SAMTOR: variants seen among roughly 807,000 people sequenced by gnomAD.
The protein encoded by SAMTOR is S-adenosylmethionine sensor upstream of mTORC1, also known as UPF0532 protein C7orf60.
chr7:112,924,366 A>T, the SAMTOR span, among the ~76,000 whole-genome samples: 6 of 152,178 alleles, frequency 3.9e-5, no homozygotes, highest in Admixed American at 3.9e-4. Context: ...TAACTATTCA[A>T]ATTTGAAAAT....
chr7:112,822,580 T>A, the SAMTOR span, among the ~76,000 whole-genome samples: 5,809 of 152,178 alleles, frequency 0.038, 295 homozygotes, highest in African/African-American at 0.11. Flanking sequence ...GACCTGCTAA[T>A]CATCATTTAA....
the SAMTOR span, among the ~76,000 whole-genome samples, chr7:112,850,679 G>A: frequency 6.6e-6 from 1 of 152,140 alleles, no homozygotes. Context: ...AGGGTTTCTA[G>A]TCTGTGCATG....
chr7:112,906,605 T>C, the SAMTOR span, among the ~76,000 whole-genome samples: 1 of 150,150 alleles, frequency 6.7e-6, no homozygotes, highest in African/African-American at 2.5e-5. Context: ...AGTCTTGCTC[T>C]GTCACCAGGC....
At chr7:112,924,952 T>C in the SAMTOR span, among the ~76,000 whole-genome samples, 4 of 152,170 alleles carry the variant, frequency 2.6e-5, no homozygotes, top group South Asian at 2.1e-4. Flanking sequence ...AGGGTGAAGT[T>C]TGAGGCAGAT....
At chr7:112,879,271 C>A in the SAMTOR span, among the ~76,000 whole-genome samples, 1 of 150,558 alleles carries the variant, frequency 6.6e-6, no homozygotes, top group Admixed American at 6.7e-5. Context: ...TATGTGGAAA[C>A]AAAGCTATAA....
At chr7:112,915,324 C>T in the SAMTOR span, 3 of 1,611,402 alleles carry the variant, frequency 1.9e-6, no homozygotes, top group African/African-American at 1.3e-5. Flanking sequence ...CCATTCAATA[C>T]GACCTTCGCC....
chr7:112,858,550 CTTAT>C, the SAMTOR span, among the ~76,000 whole-genome samples: 3,422 of 151,908 alleles, frequency 0.023, 66 homozygotes, highest in Admixed American at 0.042. Context: ...TTAAATACTT[CTTAT>C]TTATTTGTTA....
the SAMTOR span, among the ~76,000 whole-genome samples, chr7:112,876,105 C>T: frequency 4.6e-5 from 7 of 152,200 alleles, no homozygotes; most frequent in South Asian, 1.5e-3. Context: ...GGACTACAGG[C>T]ACATGCCACC....
At chr7:112,860,291 C>T in the SAMTOR span, among the ~76,000 whole-genome samples, 1 of 152,094 alleles carries the variant, frequency 6.6e-6, no homozygotes, top group Non-Finnish European at 1.5e-5. Context: ...CAGAATGCAT[C>T]CCTGTTGTTA....
the SAMTOR span, among the ~76,000 whole-genome samples, chr7:112,881,739 T>A: frequency 6.6e-6 from 1 of 152,170 alleles, no homozygotes; most frequent in Non-Finnish European, 1.5e-5. Flanking sequence ...AAGCTACCAC[T>A]TGGGTCTCCT....
chr7:112,924,559 T>G, the SAMTOR span, among the ~76,000 whole-genome samples: 1 of 152,146 alleles, frequency 6.6e-6, no homozygotes, highest in Non-Finnish European at 1.5e-5. Flanking sequence ...ATACTGATTT[T>G]AAACCTGAGA....
chr7:112,897,324 A>G, the SAMTOR span, among the ~76,000 whole-genome samples: 1 of 152,204 alleles, frequency 6.6e-6, no homozygotes, highest in African/African-American at 2.4e-5. Context: ...ATACCTCAGT[A>G]AAGCTGATAA....
chr7:112,848,480 G>A, the SAMTOR span, among the ~76,000 whole-genome samples: 1,621 of 152,244 alleles, frequency 0.011, 30 homozygotes, highest in African/African-American at 0.037. Flanking sequence ...AGTGTAAACA[G>A]TGCAATGTTT....
the SAMTOR span, among the ~76,000 whole-genome samples, chr7:112,845,187 G>A: frequency 3.9e-5 from 6 of 152,098 alleles, 1 homozygote; most frequent in South Asian, 1.2e-3. Flanking sequence ...ATATGCAAAG[G>A]TTTCATGACT....
chr7:112,887,376 G>A, the SAMTOR span, among the ~76,000 whole-genome samples: 3 of 151,702 alleles, frequency 2.0e-5, no homozygotes, highest in East Asian at 5.8e-4. Context: ...TATACAATCA[G>A]TCAGGAACAA....
At chr7:112,937,709 C>A in the SAMTOR span, among the ~76,000 whole-genome samples, 4 of 149,158 alleles carry the variant, frequency 2.7e-5, no homozygotes, top group African/African-American at 9.9e-5. Flanking sequence ...GGTATTAAAG[C>A]GCCTAAAGAA....
the SAMTOR span, among the ~76,000 whole-genome samples, chr7:112,902,125 G>A: frequency 5.9e-5 from 9 of 152,120 alleles, no homozygotes; most frequent in African/African-American, 1.7e-4. Flanking sequence ...GTTGCAGGCC[G>A]GGCGTGGTGG....
the SAMTOR span, among the ~76,000 whole-genome samples, chr7:112,885,430 A>G: frequency 6.6e-6 from 1 of 152,146 alleles, no homozygotes; most frequent in African/African-American, 2.4e-5. Context: ...CCTCTTGAGC[A>G]CTTTGCCACT....
the SAMTOR span, among the ~76,000 whole-genome samples, chr7:112,900,121 C>CATAT: frequency 1.3e-5 from 2 of 150,430 alleles, no homozygotes; most frequent in African/African-American, 2.4e-5. Flanking sequence ...TATATCTGTA[C>CATAT]ATATATATAT....
Sources: allele counts gnomAD v4.1 joint callset (sites outside exome capture counted in the v4.1 genomes callset), GRCh38; gene constraint gnomAD v4.1.1; transcripts MANE v1.5; gene names NCBI Gene and HGNC (gene_info 2026-07-23, HGNC 2026-07-21).